The following GRIA3 variants were observed in gnomAD, a reference collection of about 807,000 sequenced individuals.
GRIA3 encodes the protein glutamate receptor 3.
In GRIA3, 3 loss-of-function variants were observed where a neutral mutation model predicts 63.0. The ratio of observed to expected loss-of-function variants is 0.05; its 90% confidence interval spans 0.02 to 0.12. The LOEUF is 0.12. Among genes scored for constraint, GRIA3 ranks in the 10% least tolerant of loss-of-function variants. GRIA3 has a pLI of 1.00. For missense variants in GRIA3, 347 were observed against 700.9 expected, an observed-to-expected ratio of 0.50 and a Z score of 5.70; for synonymous variants, 274 against 257.9, an observed-to-expected ratio of 1.06 and a Z score of -0.60.
At position 123,363,891 on chromosome X, in the gene GRIA3, G is replaced by A. The variant is rs762083212; in HGVS notation, c.750+8928G>A. 7.1e-5 allele frequency among the ~76,000 whole-genome samples: 8 copies of A among 112,006 alleles called. No individual in the cohort carries two copies. In the East Asian group the frequency reaches 8.4e-4, roughly 12 times the overall value. On this transcript the variant is annotated intron_variant, in intron 5 of 15. Coordinates refer to ENST00000620443, the MANE Select transcript of GRIA3 (RefSeq NM_007325.5). ...GTCAAGTGTACAGAAAACTTAGAAC[G>A]CAGAGAGTGAGAAAGCAGAATTTCA...
At chrX:123,322,588 C>A (rs1422485854) in intron 3 of GRIA3, among the ~76,000 whole-genome samples, 1 of 110,876 alleles carries the variant, frequency 9.0e-6, no homozygotes, top group Non-Finnish European at 1.9e-5. Flanking sequence ...CCCTCAAGCG[C>A]ATATTTACTC....
intron 4 of GRIA3, among the ~76,000 whole-genome samples, chrX:123,335,606 CA>C (rs2044969600): frequency 9.0e-6 from 1 of 111,480 alleles, no homozygotes; most frequent in Non-Finnish European, 1.9e-5. Flanking sequence ...TATCTTATTC[CA>C]AAATTATAAA....
chrX:123,210,961 A>G (rs1928027565), intron 2 of GRIA3, among the ~76,000 whole-genome samples: 1 of 111,942 alleles, frequency 8.9e-6, no homozygotes, highest in African/African-American at 3.2e-5. Context: ...GTTCCATTTA[A>G]TTTGGATATT....
chrX:123,284,795 A>C (rs984485383), intron 3 of GRIA3, among the ~76,000 whole-genome samples: 17 of 111,299 alleles, frequency 1.5e-4, no homozygotes, highest in African/African-American at 5.6e-4. Context: ...TCAAAGTGAC[A>C]GGGAGAATGG....
intron 13 of GRIA3, among the ~76,000 whole-genome samples, chrX:123,470,527 G>GT (rs2045856164): frequency 9.0e-6 from 1 of 111,359 alleles, no homozygotes; most frequent in African/African-American, 3.3e-5. Flanking sequence ...AGCTATCTTT[G>GT]TTTTTTTAAA....
chrX:123,421,011 TTACAATG>T (rs1240740777), intron 11 of GRIA3, among the ~76,000 whole-genome samples: 1 of 111,449 alleles, frequency 9.0e-6, no homozygotes, highest in Non-Finnish European at 1.9e-5. Context: ...TACTTTACCC[TTACAATG>T]TGCAATGCAC....
intron 2 of GRIA3, among the ~76,000 whole-genome samples, chrX:123,195,754 A>G (rs1242903433): frequency 1.8e-5 from 2 of 112,011 alleles, no homozygotes. Flanking sequence ...GGGAAGCTCT[A>G]TTAACTGGTA....
At chrX:123,311,079 C>G (rs1953831866) in intron 3 of GRIA3, among the ~76,000 whole-genome samples, 1 of 110,765 alleles carries the variant, frequency 9.0e-6, no homozygotes, top group Admixed American at 9.6e-5. Context: ...CCTTATGGGA[C>G]TCCCAGGAAT....
chrX:123,471,058 C>A lies in GRIA3; in HGVS notation c.2324+5946C>A, dbSNP rs2045859883. ...CGAGGAGTAGGGTGAGTATATTGTG[C>A]TCTTCGTTGGTTTGCATGATTCTAT... On this transcript the variant is annotated intron_variant, in intron 13 of 15. Transcript: ENST00000620443. Among the ~76,000 whole-genome samples the A allele has an allele frequency of 2.7e-5, 3 of 111,567 alleles. No homozygotes were observed. The South Asian group carries it at 1.1e-3, about 42-fold the overall frequency.
intron 2 of GRIA3, among the ~76,000 whole-genome samples, chrX:123,222,186 A>G (rs5911552): frequency 0.043 from 4,770 of 111,561 alleles, 121 homozygotes; most frequent in Non-Finnish European, 0.069. Flanking sequence ...TCCCAGGCAC[A>G]GAGATCCCTG....
chrX:123,435,642 C>A (rs2045640061), intron 12 of GRIA3, among the ~76,000 whole-genome samples: 1 of 112,003 alleles, frequency 8.9e-6, no homozygotes, highest in Admixed American at 9.5e-5. Context: ...CTGACAACTT[C>A]AAAGGGTTCC....
At chrX:123,305,689 A>T (rs1005047558) in intron 3 of GRIA3, among the ~76,000 whole-genome samples, 2 of 112,170 alleles carry the variant, frequency 1.8e-5, no homozygotes, top group Non-Finnish European at 3.8e-5. Flanking sequence ...CAAGAAACTG[A>T]GGCAGATTCT....
chrX:123,266,855 C>T (rs1478794069), intron 3 of GRIA3, among the ~76,000 whole-genome samples: 1 of 110,024 alleles, frequency 9.1e-6, no homozygotes, highest in Non-Finnish European at 1.9e-5. Context: ...TTTTTTAGCA[C>T]TCAGCCCCCT....
intron 1 of GRIA3, among the ~76,000 whole-genome samples, chrX:123,185,584 A>G (rs777087773): frequency 1.6e-4 from 17 of 109,402 alleles, no homozygotes; most frequent in Non-Finnish European, 3.2e-4. Flanking sequence ...CCATCGTCCT[A>G]ACCCAAAACG....
intron 5 of GRIA3, among the ~76,000 whole-genome samples, chrX:123,360,532 A>C (rs1222050515): frequency 2.0e-5 from 2 of 101,145 alleles, no homozygotes; most frequent in African/African-American, 7.3e-5. Context: ...AAAAAAAAAA[A>C]AAAAAAAAAA....
rs781342503 is a variant in GRIA3, at chrX:123,326,234, A to AAC, written c.696+21_696+22insAC. ...AACAGGTACGTTTGAGATTTATTTC[A>AAC]CCGCCAGCCAACATGTTAAATTATC... is the stretch of plus-strand genomic sequence containing the variant. On this transcript the variant is annotated intron_variant, in intron 4 of 15. Coordinates refer to ENST00000620443, the MANE Select transcript of GRIA3 (RefSeq NM_007325.5). 6 of 1,153,060 alleles carry AAC rather than the reference A, an allele frequency of 5.2e-6. No individual in the cohort carries two copies. The Admixed American group carries it at 1.3e-4, about 25-fold the overall frequency.
At position 123,395,065 on chromosome X, in the gene GRIA3, T is replaced by C; in HGVS notation, c.848T>C (p.Phe283Ser). 8.3e-7 allele frequency: 1 copy of C among 1,206,098 alleles called. No individual in the cohort carries two copies. The highest frequency in any genetic ancestry group is 1.1e-6 in the Non-Finnish European group (1 of 890,369). ...AATGAAAACCCTATGGTTCAGCAGT[T>C]CATACAGCGCTGGGTGAGGCTGGAT... ...VNNENPMVQQ[F>S]IQRWVRLDER... Residue 283 changes from phenylalanine (F) to serine (S), a missense_variant, in exon 6 of 16, where the codon TTC (phenylalanine) becomes TCC (serine). Phe to Ser is a radical substitution (Grantham distance 155). Transcript: ENST00000620443.
chrX:123,213,403 T>G (rs1470833875), intron 2 of GRIA3, among the ~76,000 whole-genome samples: 1 of 112,175 alleles, frequency 8.9e-6, no homozygotes, highest in African/African-American at 3.2e-5. Context: ...CTTATGAGGT[T>G]GTTACTTTTA....
At chrX:123,396,310 C>T (rs1340000375) in intron 6 of GRIA3, among the ~76,000 whole-genome samples, 1 of 109,986 alleles carries the variant, frequency 9.1e-6, no homozygotes, top group African/African-American at 3.3e-5. Context: ...ATCTATGCAG[C>T]TCCACCTTAA....
Sources: allele counts gnomAD v4.1 joint callset (sites outside exome capture counted in the v4.1 genomes callset), GRCh38; gene constraint gnomAD v4.1.1; transcripts MANE v1.5; gene names NCBI Gene and HGNC (gene_info 2026-07-23, HGNC 2026-07-21).